The following RTL4 variants were observed in gnomAD, a reference collection of about 807,000 sequenced individuals.
RTL4 encodes retrotransposon Gag-like protein 4.
In RTL4, 4 loss-of-function variants were observed where a neutral mutation model predicts 5.3. The ratio of observed to expected loss-of-function variants is 0.75; its 90% CI spans 0.37 to 1.72. RTL4 has a LOEUF of 1.72. Ranked by LOEUF, RTL4 falls within the 40% of genes most tolerant of loss-of-function variation. RTL4 has a pLI of 0.04. For synonymous variants in RTL4, 98 were observed against 87.3 expected (o/e 1.12, Z -0.68); for missense variants, 260 against 227.1 (o/e 1.14, Z -0.93).
At chrX:112,314,773 T>C in the RTL4 span, among the ~76,000 whole-genome samples, 2 of 111,095 alleles carry the variant, frequency 1.8e-5, no homozygotes, top group African/African-American at 6.5e-5. Context: ...AGCCCCACTT[T>C]TCTCATACTC....
chrX:112,271,668 A>G, the RTL4 span, among the ~76,000 whole-genome samples: 2 of 112,078 alleles, frequency 1.8e-5, no homozygotes, highest in Non-Finnish European at 3.8e-5. Context: ...GGTATAATAA[A>G]CCAGTAAAAA....
chrX:112,365,567 G>A, the RTL4 span, among the ~76,000 whole-genome samples: 2 of 111,407 alleles, frequency 1.8e-5, no homozygotes, highest in African/African-American at 3.3e-5. Context: ...AAAGAAGTTT[G>A]TAGATTCCCT....
At chrX:112,390,106 A>T in the RTL4 span, among the ~76,000 whole-genome samples, 86 of 17,379 alleles carry the variant, frequency 4.9e-3, 1 homozygote, top group East Asian at 0.046. Context: ...ATTTATATAT[A>T]ATATATATAT....
the RTL4 span, among the ~76,000 whole-genome samples, chrX:112,405,081 ATGCTGCCTCAGCATGGAAAGGCAAACCT>A: frequency 9.0e-6 from 1 of 111,502 alleles, no homozygotes; most frequent in Non-Finnish European, 1.9e-5. Context: ...AGGGTTAGCC[ATGCTGCCTCAGCATGGAAAGGCAAACCT>A]TGCCTTTTTC....
chrX:112,087,755 G>A, the RTL4 span, among the ~76,000 whole-genome samples: 164 of 111,406 alleles, frequency 1.5e-3, 1 homozygote, highest in Admixed American at 2.5e-3. Context: ...TTATCTGTAA[G>A]CTGGGGACAA....
At chrX:112,194,098 G>A in the RTL4 span, among the ~76,000 whole-genome samples, 1 of 112,047 alleles carries the variant, frequency 8.9e-6, no homozygotes, top group East Asian at 2.8e-4. Flanking sequence ...GAGAGATACA[G>A]CCTGAGTAGC....
the RTL4 span, among the ~76,000 whole-genome samples, chrX:112,151,698 T>C: frequency 1.8e-5 from 2 of 112,047 alleles, no homozygotes; most frequent in Non-Finnish European, 3.8e-5. Flanking sequence ...AAGGTGAGTT[T>C]AATTTATTCC....
chrX:112,386,213 T>C, the RTL4 span, among the ~76,000 whole-genome samples: 1 of 112,157 alleles, frequency 8.9e-6, no homozygotes, highest in Admixed American at 9.4e-5. Context: ...AAATGGCGTG[T>C]CCATTACCTC....
the RTL4 span, among the ~76,000 whole-genome samples, chrX:112,213,931 G>A: frequency 9.1e-6 from 1 of 110,273 alleles, no homozygotes; most frequent in East Asian, 2.8e-4. Flanking sequence ...TTGGGGATAA[G>A]TATACACGTG....
chrX:112,374,841 T>C, the RTL4 span, among the ~76,000 whole-genome samples: 1 of 111,343 alleles, frequency 9.0e-6, no homozygotes, highest in East Asian at 2.9e-4. Context: ...TTTCCAGACA[T>C]TGCCCTCGGC....
At chrX:112,228,765 T>C in the RTL4 span, among the ~76,000 whole-genome samples, 1 of 112,080 alleles carries the variant, frequency 8.9e-6, no homozygotes. Context: ...ATTCCACATA[T>C]AAGTGAGATC....
chrX:112,400,831 T>C, the RTL4 span, among the ~76,000 whole-genome samples: 6 of 111,654 alleles, frequency 5.4e-5, no homozygotes, highest in Admixed American at 4.7e-4. Context: ...ATCTCTATAG[T>C]TCTCCTTTTG....
the RTL4 span, among the ~76,000 whole-genome samples, chrX:112,393,978 C>A: frequency 6.3e-5 from 7 of 111,835 alleles, no homozygotes; most frequent in East Asian, 2.0e-3. Flanking sequence ...TGTGCCAGAG[C>A]AGCTGCTCTG....
the RTL4 span, among the ~76,000 whole-genome samples, chrX:112,181,684 G>A: frequency 8.9e-6 from 1 of 112,068 alleles, no homozygotes; most frequent in East Asian, 2.8e-4. Flanking sequence ...GCCCCAGTCA[G>A]GGACTTACAG....
chrX:112,213,354 G>C, the RTL4 span, among the ~76,000 whole-genome samples: 1 of 112,398 alleles, frequency 8.9e-6, no homozygotes, highest in Non-Finnish European at 1.9e-5. Flanking sequence ...GTGGTGCTTG[G>C]AGCAATGCTT....
At chrX:112,412,522 G>A in the RTL4 span, among the ~76,000 whole-genome samples, 2 of 111,138 alleles carry the variant, frequency 1.8e-5, no homozygotes, top group Non-Finnish European at 3.8e-5. Context: ...GACCAATCAA[G>A]CAGAGTAGAA....
the RTL4 span, among the ~76,000 whole-genome samples, chrX:112,307,285 T>C: frequency 1.8e-5 from 2 of 109,152 alleles, no homozygotes; most frequent in Non-Finnish European, 3.8e-5. Context: ...TACTTGACAG[T>C]GGAGGATGTT....
the RTL4 span, among the ~76,000 whole-genome samples, chrX:112,274,441 AAATAGC>A: frequency 8.9e-6 from 1 of 112,152 alleles, no homozygotes; most frequent in Non-Finnish European, 1.9e-5. Flanking sequence ...CAGTATTTTA[AAATAGC>A]AATAACACAA....
chrX:112,413,203 A>G, the RTL4 span, among the ~76,000 whole-genome samples: 18 of 111,604 alleles, frequency 1.6e-4, no homozygotes, highest in Admixed American at 1.3e-3. Context: ...AAGTGAGGGA[A>G]TAGCAACTGC....
Sources: gnomAD v4.1 joint callset for allele counts (sites outside exome capture counted in the v4.1 genomes callset) on GRCh38, gnomAD v4.1.1 for gene constraint, MANE v1.5 for transcripts, NCBI Gene and HGNC (gene_info 2026-07-23, HGNC 2026-07-21) for gene names.